Variants in PRTFDC1 observed in about 807,000 individuals in gnomAD.
PRTFDC1 encodes phosphoribosyl transferase domain containing 1.
In PRTFDC1, 38 loss-of-function variants were observed where a neutral mutation model predicts 34.6. The observed-to-expected ratio is 1.10, with a 90% CI of 0.85 to 1.44. The LOEUF (loss-of-function observed/expected upper bound fraction) is 1.44, where lower values mean the gene tolerates loss of function less well. Among genes scored for constraint, PRTFDC1 ranks in the 40% most tolerant of loss-of-function variants. The pLI, the probability that PRTFDC1 is intolerant of heterozygous loss-of-function variation, is 0.00. For synonymous variants in PRTFDC1, 93 were observed against 98.1 expected (o/e 0.95, Z 0.31); for missense variants, 270 against 283.0 (o/e 0.95, Z 0.33).
intron 2 of PRTFDC1, among the ~76,000 whole-genome samples, chr10:24,939,665 A>C (rs1314785101): frequency 1.3e-5 from 2 of 151,564 alleles, no homozygotes; most frequent in East Asian, 3.9e-4. Context: ...GTGGTGGTGC[A>C]TGCTTATAAT....
intron 3 of PRTFDC1, among the ~76,000 whole-genome samples, chr10:24,888,092 C>A (rs1848200194): frequency 6.6e-6 from 1 of 152,186 alleles, no homozygotes; most frequent in East Asian, 1.9e-4. Flanking sequence ...AGGTTGGTCA[C>A]AAACTTCTGG....
intron 3 of PRTFDC1, among the ~76,000 whole-genome samples, chr10:24,897,697 C>T (rs148109943): frequency 1.4e-4 from 22 of 152,210 alleles, no homozygotes; most frequent in African/African-American, 5.1e-4. Context: ...CCTATAACAT[C>T]GAGAAACATG....
chr10:24,929,813 A>C (rs1848943475), intron 3 of PRTFDC1, among the ~76,000 whole-genome samples: 1 of 152,210 alleles, frequency 6.6e-6, no homozygotes. Context: ...CTGGCACCTA[A>C]CAATACTTCC....
intron 3 of PRTFDC1, among the ~76,000 whole-genome samples, chr10:24,906,995 T>C (rs949164273): frequency 2.0e-5 from 3 of 152,234 alleles, no homozygotes; most frequent in Non-Finnish European, 2.9e-5. Flanking sequence ...TATGTTTTAC[T>C]TTCCTGAATA....
chr10:24,907,952 G>A (rs1848562594), intron 3 of PRTFDC1, among the ~76,000 whole-genome samples: 1 of 152,158 alleles, frequency 6.6e-6, no homozygotes, highest in Admixed American at 6.5e-5. Flanking sequence ...GCAACAAAAT[G>A]GCATGACCTT....
At chr10:24,868,399 G>A (rs920433946) in intron 4 of PRTFDC1, among the ~76,000 whole-genome samples, 7 of 152,116 alleles carry the variant, frequency 4.6e-5, no homozygotes, top group African/African-American at 1.7e-4. Context: ...AATAAGAGAA[G>A]GTGTGTTTCC....
intron 4 of PRTFDC1, chr10:24,867,771 T>C (rs1440059225): frequency 6.6e-6 from 1 of 152,044 alleles, no homozygotes; most frequent in Admixed American, 6.6e-5. Flanking sequence ...TGCGGTATTG[T>C]ATTAAATTTT....
chr10:24,860,951 C>G (rs892331552), intron 4 of PRTFDC1, among the ~76,000 whole-genome samples: 1 of 152,108 alleles, frequency 6.6e-6, no homozygotes, highest in Non-Finnish European at 1.5e-5. Flanking sequence ...AAAGAAAAAC[C>G]TTTCTAAAAT....
Position 24,942,380 on chromosome 10 carries a change from A to G in PRTFDC1, c.105T>C (p.Tyr35=). ...DLNLFTYPQH[Y]YGDLEYVLIP... ...TGAGGACATACTCCAAGTCTCCATA[A>G]TAGTGCTGTGGGTACGTGAATAAAT... The change falls in exon 2 of 9, where the codon TAT becomes TAC. Residue 35 remains tyrosine (Y), a synonymous_variant. Coordinates refer to ENST00000320152, the MANE Select transcript of PRTFDC1 (RefSeq NM_020200.7). 1 of 1,613,926 alleles carries G rather than the reference A, an allele frequency of 6.2e-7. No individual in the cohort carries two copies. The highest frequency in any genetic ancestry group is 1.1e-5 in the South Asian group (1 of 91,080).
chr10:24,920,058 A>C (rs985718613), intron 3 of PRTFDC1, among the ~76,000 whole-genome samples: 1 of 152,198 alleles, frequency 6.6e-6, no homozygotes, highest in Non-Finnish European at 1.5e-5. Flanking sequence ...TATGGAAGAC[A>C]GTGCGGCAAT....
At chr10:24,888,960 C>T (rs1848216105) in intron 3 of PRTFDC1, among the ~76,000 whole-genome samples, 1 of 152,134 alleles carries the variant, frequency 6.6e-6, no homozygotes, top group African/African-American at 2.4e-5. Context: ...TTCTCATTTA[C>T]TTCATCTGGA....
rs1339744027 is a variant in PRTFDC1 at position 24,947,780 on chromosome 10, A to C, written c.48+4748T>G. ...AGGCCATAGCTCTCATCTGTCCTCC[A>C]CCAGCAAGAGAAAGGGGGTCTCATC... On this transcript the variant is annotated intron_variant, in intron 1 of 8. Coordinates refer to ENST00000320152, the MANE Select transcript of PRTFDC1 (RefSeq NM_020200.7). Among the ~76,000 whole-genome samples the C allele has an allele frequency of 2.0e-5, 3 of 152,056 alleles. No individual in the cohort carries two copies. In the East Asian group the frequency reaches 5.8e-4, roughly 30 times the overall value.
intron 7 of PRTFDC1, among the ~76,000 whole-genome samples, chr10:24,853,671 T>G (rs1028971790): frequency 6.6e-6 from 1 of 151,980 alleles, no homozygotes; most frequent in Non-Finnish European, 1.5e-5. Flanking sequence ...AATAATGACT[T>G]TATAGGGAGC....
intron 7 of PRTFDC1, 126 bp downstream of exon 7, chr10:24,855,192 C>A: frequency 2.3e-6 from 2 of 871,152 alleles, no homozygotes; most frequent in Admixed American, 4.6e-5. Context: ...GGACTATCAG[C>A]CCTACACAGT....
At chr10:24,880,544 A>C (rs915068076) in intron 3 of PRTFDC1, among the ~76,000 whole-genome samples, 9 of 152,172 alleles carry the variant, frequency 5.9e-5, no homozygotes, top group African/African-American at 2.2e-4. Flanking sequence ...TTCTTTGTTC[A>C]TTCACACAGC....
At chr10:24,949,735 A>ATTTTTTTTTTTTTT (rs758571429) in intron 1 of PRTFDC1, among the ~76,000 whole-genome samples, 1 of 140,024 alleles carries the variant, frequency 7.1e-6, no homozygotes. Context: ...TTATTTATTT[A>ATTTTTTTTTTTTTT]TTTATTTTTT....
intron 3 of PRTFDC1, among the ~76,000 whole-genome samples, chr10:24,936,377 C>T (rs575274177): frequency 6.6e-6 from 1 of 151,820 alleles, no homozygotes; most frequent in Non-Finnish European, 1.5e-5. Context: ...CTCCTGGGCT[C>T]AAACAATCCT....
At chr10:24,867,608 C>T (rs986070617) in intron 4 of PRTFDC1, 1 of 152,016 alleles carries the variant, frequency 6.6e-6, no homozygotes, top group Non-Finnish European at 1.5e-5. Flanking sequence ...TGCTGGTCCA[C>T]TTATGTCCAG....
At chr10:24,869,194 G>A (rs781645394) in intron 4 of PRTFDC1, among the ~76,000 whole-genome samples, 4 of 151,906 alleles carry the variant, frequency 2.6e-5, no homozygotes, top group Non-Finnish European at 5.9e-5. Flanking sequence ...AGTGAACAGC[G>A]TGGGTCATAT....
Sources: gnomAD v4.1 joint callset for allele counts (sites outside exome capture counted in the v4.1 genomes callset) on GRCh38, gnomAD v4.1.1 for gene constraint, MANE v1.5 for transcripts, NCBI Gene and HGNC (gene_info 2026-07-23, HGNC 2026-07-21) for gene names.